SLC44A1: variants seen among roughly 807,000 people sequenced by gnomAD.
The protein encoded by SLC44A1 is solute carrier family 44 member 1, also known as choline transporter-like protein 1.
Under a neutral mutation model 79.3 loss-of-function variants are expected in SLC44A1, and 26 were observed. The observed-to-expected ratio is 0.33, with a 90% CI of 0.24 to 0.46. The LOEUF is 0.46. SLC44A1 is among the 20% of genes least tolerant of loss of function. The pLI is 1.00. For missense variants in SLC44A1, 688 were observed against 798.1 expected, an observed-to-expected ratio of 0.86 and a Z score of 1.66; for synonymous variants, 263 against 286.2, an observed-to-expected ratio of 0.92 and a Z score of 0.82.
chr9:105,278,374 G>A (rs1483699007), intron 1 of SLC44A1, among the ~76,000 whole-genome samples: 1 of 151,998 alleles, frequency 6.6e-6, no homozygotes, highest in African/African-American at 2.4e-5. Flanking sequence ...TCAGCCTCCC[G>A]AGTAGCTGGG....
At chr9:105,266,018 T>C (rs1829954084) in intron 1 of SLC44A1, among the ~76,000 whole-genome samples, 2 of 152,138 alleles carry the variant, frequency 1.3e-5, no homozygotes, top group Admixed American at 1.3e-4. Flanking sequence ...AGTGCAGTGG[T>C]GCAATCATAA....
rs1449093292 is a variant in SLC44A1, at chr9:105,367,473, C to T, written c.1494+1044C>T. Among the ~76,000 whole-genome samples, 6 of 152,124 alleles carry T rather than the reference C, an allele frequency of 3.9e-5. No homozygotes were observed. The East Asian group carries it at 9.6e-4, about 24-fold the overall frequency. Reference sequence around the variant, plus strand: ...TCATTCTTAAAATAATTTGTAAGGCCATAACAACCTGAAAAATTGTGTTCT... The same window carrying T: ...TCATTCTTAAAATAATTTGTAAGGCTATAACAACCTGAAAAATTGTGTTCT... On this transcript the variant is annotated intron_variant, in intron 12 of 15. Transcript: ENST00000374720.
chr9:105,383,061 T>C (rs186507723), intron 13 of SLC44A1, 62 bp from the exon 14 acceptor site: 1 of 1,173,634 alleles, frequency 8.5e-7, no homozygotes, highest in East Asian at 2.4e-5. Flanking sequence ...CTGCAAATGG[T>C]GAAAAAAGAG....
rs933165121 is a variant in SLC44A1, at chr9:105,390,706, C to T, written c.*1650C>T. 4.2e-5 allele frequency: 41 copies of T among 985,314 alleles called. No individual in the cohort carries two copies. The highest frequency in any genetic ancestry group is 4.8e-5 in the Non-Finnish European group (40 of 829,750). 61.0% of individuals were successfully genotyped at this position (985,314 alleles called of 1,614,324 possible). Reference sequence around the variant, plus strand: ...TAGCTAGGCTAAAATTTGCTAAATGCCTTGGTTTCTTTTAAAAGTTCATGT... The same window carrying T: ...TAGCTAGGCTAAAATTTGCTAAATGTCTTGGTTTCTTTTAAAAGTTCATGT... On this transcript the variant is annotated 3_prime_UTR_variant, in exon 16 of 16. Coordinates refer to ENST00000374720, the MANE Select transcript of SLC44A1 (RefSeq NM_080546.5).
intron 1 of SLC44A1, among the ~76,000 whole-genome samples, chr9:105,256,302 A>C (rs1829704985): frequency 6.6e-6 from 1 of 152,162 alleles, no homozygotes; most frequent in South Asian, 2.1e-4. Flanking sequence ...ATGAGCCACC[A>C]CACCCAGCCT....
intron 3 of SLC44A1, 66 bp from the exon 4 acceptor site, chr9:105,335,497 C>T: frequency 1.6e-6 from 2 of 1,283,018 alleles, no homozygotes; most frequent in South Asian, 2.8e-5. Context: ...TAGGCTTAGT[C>T]AAATATGCAG....
At chr9:105,426,912 T>C (rs192177894) in intron 15 of SLC44A1, among the ~76,000 whole-genome samples, 24 of 151,086 alleles carry the variant, frequency 1.6e-4, no homozygotes, top group African/African-American at 5.8e-4. Flanking sequence ...ATTAAATAAT[T>C]CCTATCTTCT....
chr9:105,371,864 G>A (rs967631761), intron 12 of SLC44A1, among the ~76,000 whole-genome samples: 2 of 152,066 alleles, frequency 1.3e-5, no homozygotes, highest in East Asian at 3.9e-4. Context: ...ACCAATCTGT[G>A]TTCTTTCAGA....
chr9:105,416,735 C>T (rs1237836600), intron 15 of SLC44A1, among the ~76,000 whole-genome samples: 1 of 152,164 alleles, frequency 6.6e-6, no homozygotes, highest in East Asian at 1.9e-4. Context: ...CACGTCTCAC[C>T]CACCTGCCAA....
Position 105,364,663 on chromosome 9 carries a change from T to G in SLC44A1, c.1196T>G (p.Ile399Ser). 1 of 1,614,142 alleles carries G rather than the reference T, an allele frequency of 6.2e-7. No homozygotes were observed. The highest frequency in any genetic ancestry group is 2.2e-5 in the East Asian group (1 of 44,882). ...GGCCTGATTTGGATCAGTGAATTTA[T>G]TCTAGCATGTCAGCAGATGACAGTG... ...VVGLIWISEF[I>S]LACQQMTVAG... Residue 399 changes from isoleucine to serine, a missense_variant, in exon 10 of 16, where the codon ATT becomes AGT. Coordinates refer to ENST00000374720, the MANE Select transcript of SLC44A1 (RefSeq NM_080546.5).
intron 1 of SLC44A1, among the ~76,000 whole-genome samples, chr9:105,293,105 C>T (rs1830641657): frequency 6.6e-6 from 1 of 152,068 alleles, no homozygotes; most frequent in Admixed American, 6.5e-5. Context: ...TGCAGTGAAC[C>T]ATGATTGTGC....
chr9:105,335,580 A>G lies in SLC44A1; in HGVS notation c.287A>G (p.Asp96Gly). The stretch of plus-strand genomic sequence containing the variant: ...TGCTTTAGGTATGTATTCTTTTTGG[A>G]TCCATGCAACCTGGACTTGATAAAC... ...HTQRKYVFFL[D>G]PCNLDLINRK... Residue 96 changes from aspartate to glycine, a missense_variant, in exon 4 of 16, where the codon GAT becomes GGT. Coordinates refer to ENST00000374720, the MANE Select transcript of SLC44A1 (RefSeq NM_080546.5). 3 of 1,612,218 alleles carry G rather than the reference A, an allele frequency of 1.9e-6. No homozygotes were observed. Among genetic ancestry groups the G allele is most frequent in the Non-Finnish European group, 2.5e-6 (3 of 1,178,954 alleles).
intron 12 of SLC44A1, among the ~76,000 whole-genome samples, chr9:105,372,586 G>A (rs1240906567): frequency 2.0e-5 from 3 of 150,590 alleles, no homozygotes; most frequent in African/African-American, 2.4e-5. Context: ...CACCACACCC[G>A]TCTTCATACT....
At chr9:105,387,060 A>AAATATATATATAT (rs34780893) in intron 15 of SLC44A1, among the ~76,000 whole-genome samples, 1 of 7,730 alleles carries the variant, frequency 1.3e-4, no homozygotes, top group South Asian at 6.6e-3. Context: ...AAAAAAAAAA[A>AAATATATATATAT]ATATATATAT....
At chr9:105,282,124 G>A (rs1156726459) in intron 1 of SLC44A1, among the ~76,000 whole-genome samples, 2 of 152,162 alleles carry the variant, frequency 1.3e-5, no homozygotes, top group Admixed American at 1.3e-4. Context: ...TTGGGACCTG[G>A]CTTTACAAGT....
At chr9:105,291,738 G>A (rs937463482) in intron 1 of SLC44A1, among the ~76,000 whole-genome samples, 4 of 152,156 alleles carry the variant, frequency 2.6e-5, no homozygotes, top group Non-Finnish European at 4.4e-5. Flanking sequence ...TGCTGCAAAG[G>A]TCTAGGCACA....
At chr9:105,294,381 C>T (rs146904857) in intron 1 of SLC44A1, among the ~76,000 whole-genome samples, 20 of 152,026 alleles carry the variant, frequency 1.3e-4, no homozygotes, top group African/African-American at 4.6e-4. Flanking sequence ...AATTCTGTCA[C>T]GTGTTTTGGT....
chr9:105,335,584 A>G lies in SLC44A1; in HGVS notation c.291A>G (p.Pro97=). Residue 97 remains proline, a synonymous_variant, in exon 4 of 16, where the codon CCA becomes CCG. Coordinates refer to ENST00000374720, the MANE Select transcript of SLC44A1 (RefSeq NM_080546.5). ...TTAGGTATGTATTCTTTTTGGATCCATGCAACCTGGACTTGATAAACCGGA... is the reference window on the plus strand; with the variant it reads ...TTAGGTATGTATTCTTTTTGGATCCGTGCAACCTGGACTTGATAAACCGGA... ...TQRKYVFFLD[P]CNLDLINRKI... The G allele has an allele frequency of 1.2e-6, 2 of 1,612,916 alleles. No homozygotes were observed. Among genetic ancestry groups the G allele is most frequent in the African/African-American group, 1.3e-5 (1 of 75,004 alleles).
chr9:105,352,024 A>G (rs911559590), intron 5 of SLC44A1, among the ~76,000 whole-genome samples: 1 of 152,124 alleles, frequency 6.6e-6, no homozygotes, highest in Non-Finnish European at 1.5e-5. Context: ...ACTTTGGGAG[A>G]CCAAAGTGGG....
Sources: allele counts gnomAD v4.1 joint callset (sites outside exome capture counted in the v4.1 genomes callset), GRCh38; gene constraint gnomAD v4.1.1; transcripts MANE v1.5; gene names NCBI Gene and HGNC (gene_info 2026-07-23, HGNC 2026-07-21).